Variants in GRB2 observed in about 807,000 individuals in gnomAD.
GRB2 encodes growth factor receptor bound protein 2, also known as growth factor receptor-bound protein 2.
In GRB2, 2 loss-of-function variants were observed where a neutral mutation model predicts 27.4. The ratio of observed to expected loss-of-function variants is 0.07; its 90% CI spans 0.03 to 0.23. GRB2 has a LOEUF of 0.23. Among genes scored for constraint, GRB2 ranks in the 10% least tolerant of loss-of-function variants. GRB2 has a pLI of 1.00. For missense variants in GRB2, 102 were observed against 282.4 expected (o/e 0.36, Z 4.58); for synonymous variants, 94 against 99.6 (o/e 0.94, Z 0.33).
intron 2 of GRB2, among the ~76,000 whole-genome samples, chr17:75,391,099 C>T (rs1207639766): frequency 6.6e-6 from 1 of 152,070 alleles, no homozygotes; most frequent in East Asian, 1.9e-4. Flanking sequence ...CCATTTCACA[C>T]AGTTATGAGA....
chr17:75,374,349 AGCTGAGATC>A (rs1450832410), intron 2 of GRB2, among the ~76,000 whole-genome samples: 55 of 142,236 alleles, frequency 3.9e-4, no homozygotes, highest in Non-Finnish European at 7.1e-4. Flanking sequence ...GGTTGCAGTG[AGCTGAGATC>A]GCACCACTGC....
chr17:75,399,213 A>G (rs1194684910), intron 1 of GRB2, among the ~76,000 whole-genome samples: 1 of 150,470 alleles, frequency 6.6e-6, no homozygotes, highest in African/African-American at 2.5e-5. Flanking sequence ...ATGCCTGGCT[A>G]ATTTTTGTGT....
At chr17:75,393,449 G>T in intron 2 of GRB2, 102 bp downstream of exon 2, 1 of 891,042 alleles carries the variant, frequency 1.1e-6, no homozygotes, top group Non-Finnish European at 1.9e-6. Context: ...TGTTAAAAGT[G>T]TACAATGAAA....
chr17:75,349,628 T>C (rs1038505892), intron 2 of GRB2, among the ~76,000 whole-genome samples: 2 of 151,490 alleles, frequency 1.3e-5, no homozygotes, highest in Admixed American at 6.6e-5. Flanking sequence ...CAAGTGATTC[T>C]CCTGCATCAG....
At chr17:75,352,284 G>A (rs1218807135) in intron 2 of GRB2, among the ~76,000 whole-genome samples, 2 of 152,128 alleles carry the variant, frequency 1.3e-5, no homozygotes, top group African/African-American at 4.8e-5. Context: ...TCCGCCTCTA[G>A]TTCTTTCTCT....
intron 2 of GRB2, among the ~76,000 whole-genome samples, chr17:75,358,973 G>A (rs1246757800): frequency 1.4e-5 from 2 of 146,522 alleles, no homozygotes; most frequent in Admixed American, 6.9e-5. Flanking sequence ...AGCACTTTGG[G>A]AGGCTGAGGT....
Position 75,403,047 on chromosome 17 carries a change from C to T in GRB2, c.-138+2442G>A, listed in dbSNP as rs534009801. Among the ~76,000 whole-genome samples the T allele has an allele frequency of 3.1e-5, 3 of 96,500 alleles. No individual in the cohort carries two copies. In the South Asian group the frequency reaches 1.1e-3, roughly 36 times the overall value. The allele number at this position is 96,500 out of a possible 152,430, so 63.3% of individuals were successfully genotyped here. Reference sequence around the variant, plus strand: ...CTGAGATCGTGCCACTGCACTCTAGCCTGGGCAACAAGAGCGAGAATCTGT... The same window carrying T: ...CTGAGATCGTGCCACTGCACTCTAGTCTGGGCAACAAGAGCGAGAATCTGT... On this transcript the variant is annotated intron_variant, in intron 1 of 5. Transcript: ENST00000316804.
chr17:75,400,703 G>A (rs1031183404), intron 1 of GRB2, among the ~76,000 whole-genome samples: 3 of 151,704 alleles, frequency 2.0e-5, no homozygotes, highest in African/African-American at 4.8e-5. Context: ...AAATAAAGAC[G>A]AGGTTTCACC....
chr17:75,356,343 C>T (rs2078733533), intron 2 of GRB2, among the ~76,000 whole-genome samples: 1 of 151,974 alleles, frequency 6.6e-6, no homozygotes, highest in South Asian at 2.1e-4. Flanking sequence ...TGTTGTGAAA[C>T]CCTGTTCTCT....
chr17:75,348,205 T>C (rs1318588636), intron 2 of GRB2, among the ~76,000 whole-genome samples: 1 of 152,172 alleles, frequency 6.6e-6, no homozygotes, highest in African/African-American at 2.4e-5. Flanking sequence ...CCACTACAGC[T>C]GGCTACTTTT....
At chr17:75,370,563 G>A (rs1044453154) in intron 2 of GRB2, among the ~76,000 whole-genome samples, 2 of 152,164 alleles carry the variant, frequency 1.3e-5, no homozygotes, top group Non-Finnish European at 2.9e-5. Context: ...TCAAACAGCT[G>A]TTTGTTAAGC....
chr17:75,372,751 G>C, intron 2 of GRB2: 1 of 152,202 alleles, frequency 6.6e-6, no homozygotes, highest in East Asian at 1.9e-4. Flanking sequence ...ATATAAGCTA[G>C]ATGCTACAGT....
intron 2 of GRB2, among the ~76,000 whole-genome samples, chr17:75,367,397 G>C (rs1178993879): frequency 6.6e-6 from 1 of 152,244 alleles, no homozygotes; most frequent in Admixed American, 6.5e-5. Context: ...GGCTGGTCTT[G>C]AACTCCTGGG....
intron 2 of GRB2, among the ~76,000 whole-genome samples, chr17:75,358,061 A>C (rs1198341121): frequency 6.6e-6 from 1 of 152,210 alleles, no homozygotes; most frequent in Non-Finnish European, 1.5e-5. Context: ...TGAGCCACCA[A>C]CCACCATGTC....
intron 3 of GRB2, among the ~76,000 whole-genome samples, 190 bp downstream of exon 3, chr17:75,332,510 A>G (rs1354962066): frequency 6.6e-6 from 1 of 152,246 alleles, no homozygotes; most frequent in Non-Finnish European, 1.5e-5. Context: ...TATCAATCTA[A>G]AACATATAAT....
chr17:75,370,352 A>G (rs1440672680), intron 2 of GRB2, among the ~76,000 whole-genome samples: 1 of 152,212 alleles, frequency 6.6e-6, no homozygotes, highest in African/African-American at 2.4e-5. Flanking sequence ...CATGAATTTC[A>G]ATACGAAGGC....
intron 2 of GRB2, among the ~76,000 whole-genome samples, chr17:75,341,901 G>A (rs901341551): frequency 2.6e-5 from 4 of 152,166 alleles, no homozygotes; most frequent in African/African-American, 9.7e-5. Context: ...CCTTCTACAA[G>A]TGCAAATATA....
intron 5 of GRB2, among the ~76,000 whole-genome samples, chr17:75,321,105 G>A (rs533504433): frequency 1.3e-5 from 2 of 151,900 alleles, no homozygotes; most frequent in East Asian, 3.9e-4. Context: ...TCCCTAGAGA[G>A]GCTGGCAAGC....
At chr17:75,399,460 T>C (rs1412177285) in intron 1 of GRB2, among the ~76,000 whole-genome samples, 2 of 149,344 alleles carry the variant, frequency 1.3e-5, no homozygotes, top group East Asian at 2.0e-4. Flanking sequence ...CTCTGTCTCC[T>C]GGATTCAAGC....
Sources: gnomAD v4.1 joint callset for allele counts (sites outside exome capture counted in the v4.1 genomes callset) on GRCh38, gnomAD v4.1.1 for gene constraint, MANE v1.5 for transcripts, NCBI Gene and HGNC (gene_info 2026-07-23, HGNC 2026-07-21) for gene names.